Variants in CNBD1 observed in about 807,000 individuals in gnomAD.
The protein encoded by CNBD1 is cyclic nucleotide binding domain containing 1.
CNBD1 carries 71 observed loss-of-function variants against 54.4 expected under a neutral mutation model. The observed-to-expected ratio is 1.30, with a 90% CI of 1.08 to 1.59. The LOEUF (loss-of-function observed/expected upper bound fraction) is 1.59. Among genes scored for constraint, CNBD1 ranks in the 40% most tolerant of loss-of-function variants. The probability of loss-of-function intolerance (pLI) is 0.00; values close to 1 mark genes in which losing one functional copy is unlikely to be tolerated. For synonymous variants in CNBD1, 182 were observed against 170.7 expected (o/e 1.07, Z -0.51); for missense variants, 659 against 518.0 (o/e 1.27, Z -2.64).
intron 5 of CNBD1, among the ~76,000 whole-genome samples, chr8:87,209,070 A>G (rs114306357): frequency 0.038 from 5,822 of 152,168 alleles, 336 homozygotes; most frequent in African/African-American, 0.12. Flanking sequence ...TATTCTTATA[A>G]TAGAAGAAAT....
chr8:87,162,157 A>G (rs1453083772), intron 4 of CNBD1, among the ~76,000 whole-genome samples: 5 of 152,092 alleles, frequency 3.3e-5, no homozygotes, highest in Non-Finnish European at 2.9e-5. Flanking sequence ...TTTTGCATGA[A>G]TTAGAAATTT....
chr8:87,082,429 C>T (rs1811015554), intron 4 of CNBD1, among the ~76,000 whole-genome samples: 1 of 152,204 alleles, frequency 6.6e-6, no homozygotes, highest in Non-Finnish European at 1.5e-5. Flanking sequence ...GGACTCTCTT[C>T]ACAGGGATGT....
chr8:87,335,456 T>C (rs1417180698), intron 8 of CNBD1, among the ~76,000 whole-genome samples: 1 of 152,204 alleles, frequency 6.6e-6, no homozygotes, highest in Non-Finnish European at 1.5e-5. Context: ...TATCATTATG[T>C]AATGCCCTTT....
chr8:87,280,817 T>A (rs1475879115), intron 6 of CNBD1, among the ~76,000 whole-genome samples: 2 of 151,558 alleles, frequency 1.3e-5, no homozygotes, highest in Non-Finnish European at 3.0e-5. Flanking sequence ...AAAAAAAGCA[T>A]GAGAATACAT....
chr8:86,961,084 C>T (rs1357816798), intron 4 of CNBD1, among the ~76,000 whole-genome samples: 2 of 152,172 alleles, frequency 1.3e-5, no homozygotes, highest in Non-Finnish European at 2.9e-5. Flanking sequence ...AATTTTAAAG[C>T]TAGCCTGTTT....
At chr8:86,881,979 T>A (rs2453444) in intron 1 of CNBD1, among the ~76,000 whole-genome samples, 10,194 of 152,264 alleles carry the variant, frequency 0.067, 475 homozygotes, top group Middle Eastern at 0.1. Context: ...TGGCTAGCTA[T>A]AAGCAGAAAA....
chr8:87,368,564 G>T (rs1270626310), intron 10 of CNBD1, among the ~76,000 whole-genome samples: 2 of 151,818 alleles, frequency 1.3e-5, no homozygotes, highest in Admixed American at 1.3e-4. Context: ...CTTGAGCCAG[G>T]AGTTTGAGGC....
intron 10 of CNBD1, among the ~76,000 whole-genome samples, chr8:87,364,926 T>C: frequency 6.6e-6 from 1 of 152,128 alleles, no homozygotes; most frequent in East Asian, 1.9e-4. Flanking sequence ...ATGTCTTTGC[T>C]ATTATGAGCA....
chr8:87,228,035 G>C (rs1814547656), intron 5 of CNBD1, among the ~76,000 whole-genome samples: 1 of 151,592 alleles, frequency 6.6e-6, no homozygotes. Context: ...GATCGCATCG[G>C]CTCCTGAGGC....
chr8:87,062,915 T>C (rs181071972), intron 4 of CNBD1, among the ~76,000 whole-genome samples: 1 of 152,250 alleles, frequency 6.6e-6, no homozygotes, highest in Admixed American at 6.5e-5. Context: ...CTAAATATAA[T>C]CATAGTACAA....
chr8:87,130,223 T>A (rs538791655), intron 4 of CNBD1, among the ~76,000 whole-genome samples: 1 of 152,330 alleles, frequency 6.6e-6, no homozygotes, highest in South Asian at 2.1e-4. Flanking sequence ...TTAGCTACAT[T>A]ATTATTCTTG....
At chr8:87,102,126 A>T (rs1166352315) in intron 4 of CNBD1, among the ~76,000 whole-genome samples, 1 of 152,056 alleles carries the variant, frequency 6.6e-6, no homozygotes, top group Non-Finnish European at 1.5e-5. Flanking sequence ...TGACTTCGTG[A>T]TCTGCCCGCC....
At chr8:86,940,927 G>T (rs1809644087) in intron 4 of CNBD1, among the ~76,000 whole-genome samples, 1 of 152,190 alleles carries the variant, frequency 6.6e-6, no homozygotes, top group Non-Finnish European at 1.5e-5. Flanking sequence ...TGTAGCCTAG[G>T]AACAACAGGC....
intron 4 of CNBD1, among the ~76,000 whole-genome samples, chr8:86,960,670 T>C (rs6468584): frequency 0.95 from 143,947 of 152,282 alleles, 68,139 homozygotes; most frequent in East Asian, 1. Context: ...GATCTGAGAA[T>C]GGACAGACTG....
chr8:87,117,201 A>G (rs774589858), intron 4 of CNBD1, among the ~76,000 whole-genome samples: 2 of 152,084 alleles, frequency 1.3e-5, no homozygotes, highest in Non-Finnish European at 2.9e-5. Context: ...GTTCGAGACC[A>G]GCCTGGCCAA....
chr8:87,114,154 A>C (rs1448924104), intron 4 of CNBD1, among the ~76,000 whole-genome samples: 2 of 152,236 alleles, frequency 1.3e-5, no homozygotes, highest in Non-Finnish European at 1.5e-5. Flanking sequence ...AAGGTTATTG[A>C]TGAAATGATA....
At chr8:87,072,221 C>CTTTG (rs1810773326) in intron 4 of CNBD1, among the ~76,000 whole-genome samples, 1 of 151,972 alleles carries the variant, frequency 6.6e-6, no homozygotes, top group African/African-American at 2.4e-5. Flanking sequence ...TAAGATGTGT[C>CTTTG]CCTTGAAGAC....
chr8:87,293,003 C>T (rs1808813655), intron 8 of CNBD1, among the ~76,000 whole-genome samples: 1 of 152,120 alleles, frequency 6.6e-6, no homozygotes, highest in Non-Finnish European at 1.5e-5. Context: ...TGATAAACGA[C>T]TTTTTATTTA....
chr8:87,303,737 T>C (rs1423768768), intron 8 of CNBD1, among the ~76,000 whole-genome samples: 1 of 144,382 alleles, frequency 6.9e-6, no homozygotes, highest in Non-Finnish European at 1.5e-5. Context: ...AATCTACTGA[T>C]CTGACAAAGA....
Sources: gnomAD v4.1 joint callset for allele counts (sites outside exome capture counted in the v4.1 genomes callset) on GRCh38, gnomAD v4.1.1 for gene constraint, MANE v1.5 for transcripts, NCBI Gene and HGNC (gene_info 2026-07-23, HGNC 2026-07-21) for gene names.